The following VWA8 variants were observed in gnomAD, a reference collection of about 807,000 sequenced individuals.
The protein encoded by VWA8 is von Willebrand factor A domain containing 8.
In VWA8, 221 loss-of-function variants were observed where a neutral mutation model predicts 241.5. The ratio of observed to expected loss-of-function variants is 0.91; its 90% CI spans 0.82 to 1.02. The LOEUF is 1.02. VWA8 is among the 50% of genes least tolerant of loss of function. The pLI is 0.00. For synonymous variants in VWA8, 852 were observed against 827.1 expected, an observed-to-expected ratio of 1.03 and a Z score of -0.52; for missense variants, 2,322 against 2,328.7, an observed-to-expected ratio of 1.00 and a Z score of 0.06.
chr13:41,953,048 A>G (rs1480939292), intron 1 of VWA8, among the ~76,000 whole-genome samples: 1 of 152,184 alleles, frequency 6.6e-6, no homozygotes, highest in Non-Finnish European at 1.5e-5. Context: ...TGGGAAATAA[A>G]CATGAAGCAA....
At chr13:41,925,045 C>A (rs1593874398) in intron 2 of VWA8, among the ~76,000 whole-genome samples, 1 of 152,234 alleles carries the variant, frequency 6.6e-6, no homozygotes, top group East Asian at 1.9e-4. Flanking sequence ...ATAAGGGAAT[C>A]CCCATTAGAC....
At chr13:41,821,581 C>T (rs1042601552) in intron 14 of VWA8, among the ~76,000 whole-genome samples, 1 of 151,844 alleles carries the variant, frequency 6.6e-6, no homozygotes, top group Non-Finnish European at 1.5e-5. Context: ...AGATAAGTGC[C>T]ATTAAAATTT....
chr13:41,888,482 A>G (rs568520747), intron 5 of VWA8, among the ~76,000 whole-genome samples: 1 of 152,038 alleles, frequency 6.6e-6, no homozygotes, highest in Non-Finnish European at 1.5e-5. Flanking sequence ...CCATCTCCCA[A>G]CTGCAGCTCT....
intron 39 of VWA8, among the ~76,000 whole-genome samples, chr13:41,606,393 T>C (rs1237633288): frequency 6.6e-6 from 1 of 152,144 alleles, no homozygotes; most frequent in African/African-American, 2.4e-5. Context: ...GTGAACTCCC[T>C]TGGGTTTTAC....
chr13:41,632,124 A>AT (rs1456716742), intron 37 of VWA8, among the ~76,000 whole-genome samples: 3 of 152,230 alleles, frequency 2.0e-5, no homozygotes, highest in African/African-American at 7.2e-5. Flanking sequence ...TACAGCAAAT[A>AT]GTATGCAGAT....
intron 12 of VWA8, among the ~76,000 whole-genome samples, chr13:41,834,023 A>G (rs931498281): frequency 2.0e-5 from 3 of 152,242 alleles, no homozygotes; most frequent in African/African-American, 7.2e-5. Flanking sequence ...CTGAAAAGCT[A>G]TGCTAGGACC....
intron 43 of VWA8, among the ~76,000 whole-genome samples, chr13:41,571,450 C>A (rs951699106): frequency 9.2e-5 from 14 of 152,084 alleles, no homozygotes; most frequent in Non-Finnish European, 1.6e-4. Flanking sequence ...ACCTCCCTGC[C>A]TGATTCTCCT....
chr13:41,830,439 T>C, intron 14 of VWA8, 90 bp downstream of exon 14: 5 of 1,066,634 alleles, frequency 4.7e-6, no homozygotes, highest in Non-Finnish European at 5.5e-6. Flanking sequence ...AAAGTTATCT[T>C]GGCATTATTC....
intron 12 of VWA8, among the ~76,000 whole-genome samples, chr13:41,858,438 T>C (rs1872855055): frequency 6.6e-6 from 1 of 152,052 alleles, no homozygotes; most frequent in African/African-American, 2.4e-5. Context: ...AAACCCTGTC[T>C]CTACTAAAAA....
intron 37 of VWA8, among the ~76,000 whole-genome samples, chr13:41,646,058 C>G (rs1320254045): frequency 2.0e-5 from 3 of 151,928 alleles, no homozygotes; most frequent in Admixed American, 2.0e-4. Flanking sequence ...CCTCCACCTC[C>G]TGGGTTCAAG....
At chr13:41,705,554 GA>G (rs1258777755) in intron 26 of VWA8, among the ~76,000 whole-genome samples, 1 of 152,150 alleles carries the variant, frequency 6.6e-6, no homozygotes, top group Admixed American at 6.5e-5. Flanking sequence ...CAGCATAGAA[GA>G]CATAATGTAA....
At chr13:41,705,136 A>G (rs1258798329) in intron 26 of VWA8, among the ~76,000 whole-genome samples, 1 of 152,226 alleles carries the variant, frequency 6.6e-6, no homozygotes, top group Non-Finnish European at 1.5e-5. Context: ...AGAAATTTAC[A>G]TTGAAATTCT....
At chr13:41,885,709 T>C (rs1874494815) in intron 8 of VWA8, among the ~76,000 whole-genome samples, 1 of 152,224 alleles carries the variant, frequency 6.6e-6, no homozygotes, top group Non-Finnish European at 1.5e-5. Flanking sequence ...CATGTCTAGC[T>C]CCTACTCCAA....
At chr13:41,588,505 G>A (rs912467182) in intron 41 of VWA8, among the ~76,000 whole-genome samples, 5 of 152,178 alleles carry the variant, frequency 3.3e-5, no homozygotes, top group African/African-American at 1.2e-4. Context: ...AGAACTGCTT[G>A]AGGCCAAGGG....
chr13:41,750,346 T>G (rs918300312), intron 21 of VWA8, among the ~76,000 whole-genome samples: 5 of 151,708 alleles, frequency 3.3e-5, no homozygotes, highest in African/African-American at 1.2e-4. Context: ...GGCAGAAGAA[T>G]TGCTTGAACC....
intron 26 of VWA8, among the ~76,000 whole-genome samples, chr13:41,716,530 A>G (rs1372581190): frequency 6.6e-6 from 1 of 152,090 alleles, no homozygotes; most frequent in Non-Finnish European, 1.5e-5. Context: ...ATAGTGGTTT[A>G]GCATTATCTT....
chr13:41,856,252 T>C (rs1397278299), intron 12 of VWA8, among the ~76,000 whole-genome samples: 1 of 152,102 alleles, frequency 6.6e-6, no homozygotes, highest in Non-Finnish European at 1.5e-5. Flanking sequence ...ATGAAAATCA[T>C]TTGAATCCGG....
At chr13:41,782,110 A>C (rs756602000) in intron 19 of VWA8, among the ~76,000 whole-genome samples, 1 of 152,248 alleles carries the variant, frequency 6.6e-6, no homozygotes. Context: ...TGGCTAATTC[A>C]TAATGCTTTA....
chr13:41,912,226 C>G, intron 2 of VWA8, 58 bp from the exon 3 acceptor site: 1 of 1,411,746 alleles, frequency 7.1e-7, no homozygotes, highest in Non-Finnish European at 9.5e-7. Flanking sequence ...TAATATAAAT[C>G]TCCAAGTAAT....
Sources: allele counts gnomAD v4.1 joint callset (sites outside exome capture counted in the v4.1 genomes callset), GRCh38; gene constraint gnomAD v4.1.1; transcripts MANE v1.5; gene names NCBI Gene and HGNC (gene_info 2026-07-23, HGNC 2026-07-21).